ARHGAP39: variants seen among roughly 807,000 people sequenced by gnomAD.
The protein encoded by ARHGAP39 is rho GTPase-activating protein 39.
Under a neutral mutation model 106.9 loss-of-function variants are expected in ARHGAP39, and 44 were observed. The ratio of observed to expected loss-of-function variants is 0.41; its 90% confidence interval spans 0.32 to 0.53. The LOEUF is 0.53. Among genes scored for constraint, ARHGAP39 ranks in the 20% least tolerant of loss-of-function variants. The pLI, the probability that ARHGAP39 is intolerant of heterozygous loss-of-function variation, is 0.21. For synonymous variants in ARHGAP39, 768 were observed against 693.2 expected (o/e 1.11, Z -1.69); for missense variants, 1,496 against 1,577.3 (o/e 0.95, Z 0.87).
In ARHGAP39 at chr8:144,602,162, CGTGG is replaced by C. The variant is rs1398697941; in HGVS notation, c.80+3369_80+3372del. Among the ~76,000 whole-genome samples, 5 of 63,800 alleles carry C rather than the reference CGTGG, an allele frequency of 7.8e-5. No homozygotes were observed. The East Asian group carries it at 2.6e-3, about 33-fold the overall frequency. 41.9% of individuals were successfully genotyped at this position (63,800 alleles called of 152,430 possible). A position where few individuals can be genotyped will look rare whatever the true frequency, so the allele number is the denominator to read the frequency against. On this transcript the variant is annotated intron_variant, in intron 2 of 11. Transcript: ENST00000377307. Reference sequence around the variant, plus strand: ...GAGCTCATGTACCTGTGTGTGTGTGCGTGGAGGCGTGTGTGCTCGTGTACCTGTG... The same window carrying C: ...GAGCTCATGTACCTGTGTGTGTGTGCAGGCGTGTGTGCTCGTGTACCTGTG...
intron 1 of ARHGAP39, among the ~76,000 whole-genome samples, chr8:144,623,380 A>G (rs887144116): frequency 2.0e-5 from 3 of 152,266 alleles, no homozygotes; most frequent in African/African-American, 7.2e-5. Context: ...GTTAAGACAA[A>G]GACTGTCAGC....
chr8:144,560,304 G>A lies in ARHGAP39; in HGVS notation c.513-4661C>T, dbSNP rs189995985. Reference sequence around the variant, plus strand: ...ACAATAAGTAGCCGGGTGTGGTGGCGCGTGCCTATAATCCCAGCTACTTGG... The same window carrying A: ...ACAATAAGTAGCCGGGTGTGGTGGCACGTGCCTATAATCCCAGCTACTTGG... On this transcript the variant is annotated intron_variant, in intron 3 of 11. Coordinates refer to ENST00000377307, the MANE Select transcript of ARHGAP39 (RefSeq NM_025251.3). Among the ~76,000 whole-genome samples the A allele has an allele frequency of 3.4e-3, 513 of 152,226 alleles. 3 individuals carry two copies. Among genetic ancestry groups the A allele is most frequent in the African/African-American group, 0.011 (470 of 41,514 alleles).
intron 1 of ARHGAP39, among the ~76,000 whole-genome samples, chr8:144,608,156 CAAAAAAAAAA>C (rs60966946): frequency 1.4e-3 from 139 of 96,288 alleles, no homozygotes; most frequent in East Asian, 9.9e-3. Flanking sequence ...GACTCTGTCT[CAAAAAAAAAA>C]AAAAAAAAAA....
intron 3 of ARHGAP39, among the ~76,000 whole-genome samples, chr8:144,559,163 G>GCACCACTA (rs1818050573): frequency 6.6e-6 from 1 of 151,822 alleles, no homozygotes; most frequent in Admixed American, 6.6e-5. Flanking sequence ...AGCCAAGATT[G>GCACCACTA]CACCACTACA....
Position 144,602,381 on chromosome 8 carries a change from G to A in ARHGAP39, c.80+3154C>T, listed in dbSNP as rs190254998. 2.7e-3 allele frequency among the ~76,000 whole-genome samples: 382 copies of A among 140,496 alleles called. 2 individuals carry two copies. The highest frequency in any genetic ancestry group is 9.3e-3 in the Middle Eastern group (2 of 216). The allele number at this position is 140,496 out of a possible 152,430, so 92.2% of individuals were successfully genotyped here. On this transcript the variant is annotated intron_variant, in intron 2 of 11. Transcript: ENST00000377307. The stretch of plus-strand genomic sequence containing the variant: ...CATGGAGGTGTGTGTGCGAGCTCAT[G>A]TACCTGTGTGTGTGCGTGGAGGCGT...
intron 1 of ARHGAP39, among the ~76,000 whole-genome samples, chr8:144,677,466 A>T (rs1263372343): frequency 2.0e-5 from 3 of 152,258 alleles, no homozygotes; most frequent in African/African-American, 7.2e-5. Flanking sequence ...TTGAAGAAAG[A>T]GATGCTATTT....
intron 8 of ARHGAP39, 55 bp from the exon 9 acceptor site, chr8:144,533,380 G>C (rs530515786): frequency 1.2e-5 from 18 of 1,554,382 alleles, no homozygotes; most frequent in Non-Finnish European, 1.5e-5. Context: ...AGGACCCCCC[G>C]CCACCCCGGT....
At chr8:144,654,750 G>A (rs1489342702) in intron 1 of ARHGAP39, among the ~76,000 whole-genome samples, 13 of 152,072 alleles carry the variant, frequency 8.5e-5, no homozygotes. Flanking sequence ...TGGAGCAGGA[G>A]GAAGCCCAGC....
intron 1 of ARHGAP39, among the ~76,000 whole-genome samples, chr8:144,635,829 G>C (rs938554017): frequency 1.4e-5 from 2 of 146,438 alleles, no homozygotes; most frequent in African/African-American, 5.1e-5. Flanking sequence ...CAGGTAGACA[G>C]TGTGGGGACT....
Position 144,591,541 on chromosome 8 carries a change from T to C in ARHGAP39, c.81-10264A>G, listed in dbSNP as rs759250588. On this transcript the variant is annotated intron_variant, in intron 2 of 11. Coordinates refer to ENST00000377307, the MANE Select transcript of ARHGAP39 (RefSeq NM_025251.3). This position sits in a 1 kb window ranked among gnomAD's most constrained non-coding sequence, Gnocchi z 5.3. ...GATTGTTCCCTGGGCGCCCCAGCCA[T>C]GCGGAACCTCCTGGCTGGTCCACAG... Among the ~76,000 whole-genome samples, 1 of 152,040 alleles carries C rather than the reference T, an allele frequency of 6.6e-6. No individual in the cohort carries two copies. The highest frequency in any genetic ancestry group is 2.4e-5 in the African/African-American group (1 of 41,396).
chr8:144,542,844 C>A (rs895697923), intron 6 of ARHGAP39, among the ~76,000 whole-genome samples: 2 of 151,478 alleles, frequency 1.3e-5, no homozygotes, highest in African/African-American at 4.8e-5. Context: ...GAGGCTGAGG[C>A]AGGACAATCG....
rs1158353594 is a variant in ARHGAP39, at chr8:144,605,522, G to T, written c.80+13C>A. On this transcript the variant is annotated intron_variant, in intron 2 of 11. Coordinates refer to ENST00000377307, the MANE Select transcript of ARHGAP39 (RefSeq NM_025251.3). ...GAGGCCCGGGCAGCTCCGCAGGTCG[G>T]TCGGCTCCTTACCGAGTGTTCGACC... 2 of 1,613,512 alleles carry T rather than the reference G, an allele frequency of 1.2e-6. No individual in the cohort carries two copies. Among genetic ancestry groups the T allele is most frequent in the Non-Finnish European group, 1.7e-6 (2 of 1,179,898 alleles).
At chr8:144,593,259 T>G (rs2130918353) in intron 2 of ARHGAP39, among the ~76,000 whole-genome samples, 1 of 152,244 alleles carries the variant, frequency 6.6e-6, no homozygotes, top group South Asian at 2.1e-4. Context: ...ATTTGCCAGG[T>G]GCTAGGGACA....
chr8:144,536,170 A>C (rs757592354), intron 7 of ARHGAP39, among the ~76,000 whole-genome samples: 6 of 152,178 alleles, frequency 3.9e-5, no homozygotes, highest in Admixed American at 6.5e-5. Flanking sequence ...CCTGGACCTC[A>C]GCCCTCATCT....
At chr8:144,678,940 C>T (rs1433985768) in intron 1 of ARHGAP39, among the ~76,000 whole-genome samples, 1 of 152,106 alleles carries the variant, frequency 6.6e-6, no homozygotes, top group Admixed American at 6.5e-5. Context: ...GTGCAGGTCC[C>T]ACTCAGGCAG....
intron 1 of ARHGAP39, among the ~76,000 whole-genome samples, chr8:144,635,892 T>C: frequency 1.2e-4 from 1 of 8,218 alleles, no homozygotes; most frequent in South Asian, 4.2e-3. Context: ...GGGACTGAAT[T>C]AGAGGGGGGC....
rs900795074 is a variant in ARHGAP39, at chr8:144,530,267, G to A, written c.*155C>T. 1.2e-6 allele frequency: 1 copy of A among 823,576 alleles called. No individual in the cohort carries two copies. Among genetic ancestry groups the A allele is most frequent in the Non-Finnish European group, 1.9e-6 (1 of 539,386 alleles). 51.0% of individuals were successfully genotyped at this position (823,576 alleles called of 1,614,324 possible). A position where few individuals can be genotyped will look rare whatever the true frequency, so the allele number is the denominator to read the frequency against. On this transcript the variant is annotated 3_prime_UTR_variant, in exon 12 of 12. Coordinates refer to ENST00000377307, the MANE Select transcript of ARHGAP39 (RefSeq NM_025251.3). ...CCTGGCTGCACCCTCAGACCAGGCA[G>A]AAGACGTGGGGAGCGCCGGGGCCAG...
At chr8:144,632,420 C>T (rs1166342557) in intron 1 of ARHGAP39, among the ~76,000 whole-genome samples, 1 of 152,214 alleles carries the variant, frequency 6.6e-6, no homozygotes, top group Admixed American at 6.5e-5. Flanking sequence ...CAAAGCATGT[C>T]GACAAACCCT....
Position 144,585,652 on chromosome 8 carries a change from T to C in ARHGAP39, c.81-4375A>G, listed in dbSNP as rs1183050269. Among the ~76,000 whole-genome samples the C allele has an allele frequency of 6.6e-6, 1 of 152,118 alleles. No individual in the cohort carries two copies. The highest frequency in any genetic ancestry group is 2.4e-5 in the African/African-American group (1 of 41,448). ...AGCTCAGCACTCTAGGGAGAGAGGA[T>C]TCAGGCTTGGCGGGGCCAGGACCTC... On this transcript the variant is annotated intron_variant, in intron 2 of 11. Coordinates refer to ENST00000377307, the MANE Select transcript of ARHGAP39 (RefSeq NM_025251.3). This position sits in a 1 kb window ranked among gnomAD's most constrained non-coding sequence, Gnocchi z 4.6.
Sources: allele counts gnomAD v4.1 joint callset (sites outside exome capture counted in the v4.1 genomes callset), GRCh38; gene constraint gnomAD v4.1.1; non-coding constraint Gnocchi (gnomAD v3.1); transcripts MANE v1.5; gene names NCBI Gene and HGNC (gene_info 2026-07-23, HGNC 2026-07-21).